Variants in EGFR observed in about 807,000 individuals in gnomAD.
EGFR encodes the protein avian erythroblastic leukemia viral (v-erb-b) oncogene homolog.
Under a neutral mutation model 143.0 loss-of-function variants are expected in EGFR, and 58 were observed. The observed-to-expected ratio is 0.41, with a 90% CI of 0.33 to 0.50. The LOEUF (loss-of-function observed/expected upper bound fraction) is 0.50. Ranked by LOEUF, EGFR falls within the 20% of genes least tolerant of loss-of-function variation. EGFR has a pLI of 0.39. For synonymous variants in EGFR, 613 were observed against 594.4 expected (o/e 1.03, Z -0.45); for missense variants, 1,307 against 1,579.0 (o/e 0.83, Z 2.92).
intron 1 of EGFR, among the ~76,000 whole-genome samples, chr7:55,117,036 T>C (rs962807433): frequency 6.6e-6 from 1 of 152,216 alleles, no homozygotes; most frequent in African/African-American, 2.4e-5. Context: ...CAGAGGGTAC[T>C]GGTCGCTTTA....
chr7:55,110,400 C>A (rs530736548), intron 1 of EGFR, among the ~76,000 whole-genome samples: 53 of 152,296 alleles, frequency 3.5e-4, no homozygotes, highest in African/African-American at 1.2e-3. Context: ...TGCAGCCAAG[C>A]CTGCCCGGTC....
chr7:55,027,486 AAACCTGGAATGTCAAAGATAAAGTGC>A (rs1408466999), intron 1 of EGFR, among the ~76,000 whole-genome samples: 1 of 152,218 alleles, frequency 6.6e-6, no homozygotes, highest in Non-Finnish European at 1.5e-5. Flanking sequence ...GACCATGAGG[AAACCTGGAATGTCAAAGATAAAGTGC>A]AACACATTCT....
chr7:55,130,652 C>T (rs1283932371), intron 1 of EGFR, among the ~76,000 whole-genome samples: 1 of 152,222 alleles, frequency 6.6e-6, no homozygotes, highest in Non-Finnish European at 1.5e-5. Context: ...AAAACCCACA[C>T]ACACTCAGAG....
chr7:55,032,479 C>T (rs1339167674), intron 1 of EGFR, among the ~76,000 whole-genome samples: 1 of 152,174 alleles, frequency 6.6e-6, no homozygotes, highest in Non-Finnish European at 1.5e-5. Flanking sequence ...TTTTCCTGAG[C>T]CTTTGCATGT....
chr7:55,205,925 T>A lies in EGFR; in HGVS notation c.*308T>A, dbSNP rs1027661101. 28 of 444,470 alleles carry A rather than the reference T, an allele frequency of 6.3e-5. No homozygotes were observed. The highest frequency in any genetic ancestry group is 5.5e-4 in the African/African-American group (28 of 50,730). The allele number at this position is 444,470 out of a possible 1,614,324, so 27.5% of individuals were successfully genotyped here. The stretch of plus-strand genomic sequence containing the variant: ...AAAAAAAAAAAAGTATATGTGAGGA[T>A]TTTTATTGATTGGGGATCTTGGAGT... On this transcript the variant is annotated 3_prime_UTR_variant, in exon 28 of 28. Coordinates refer to ENST00000275493, the MANE Select transcript of EGFR (RefSeq NM_005228.5).
At chr7:55,155,206 C>CG (rs1785351526) in intron 7 of EGFR, among the ~76,000 whole-genome samples, 1 of 152,218 alleles carries the variant, frequency 6.6e-6, no homozygotes, top group African/African-American at 2.4e-5. Context: ...CTTTGGGAGA[C>CG]TGAAGGGGCT....
At chr7:55,156,055 A>G in intron 8 of EGFR, 109 bp downstream of exon 8, 3 of 802,596 alleles carry the variant, frequency 3.7e-6, no homozygotes, top group East Asian at 2.7e-5. Context: ...AAAAACAACT[A>G]TACATATCGT....
intron 15 of EGFR, among the ~76,000 whole-genome samples, chr7:55,168,160 A>G (rs1410624101): frequency 6.6e-6 from 1 of 152,268 alleles, no homozygotes; most frequent in Non-Finnish European, 1.5e-5. Context: ...GAAGCATGGT[A>G]TAAAAGATGC....
chr7:55,133,627 C>T (rs942484862), intron 1 of EGFR, among the ~76,000 whole-genome samples: 2 of 152,256 alleles, frequency 1.3e-5, no homozygotes, highest in Non-Finnish European at 2.9e-5. Flanking sequence ...CAATCTCCGT[C>T]ATCCCCACGT....
At chr7:55,140,592 G>A (rs1013336189) in intron 1 of EGFR, among the ~76,000 whole-genome samples, 2 of 152,194 alleles carry the variant, frequency 1.3e-5, no homozygotes, top group Non-Finnish European at 2.9e-5. Flanking sequence ...ATGTGTAGCC[G>A]ACAACCACAC....
chr7:55,124,525 C>A lies in EGFR; in HGVS notation c.89-17761C>A, dbSNP rs542091808. ...GGGCTTTATGCTAAGAGTTGTGGAT[C>A]TTAGGATTTTCATGAAATCTGCATT... On this transcript the variant is annotated intron_variant, in intron 1 of 27. Coordinates refer to ENST00000275493, the MANE Select transcript of EGFR (RefSeq NM_005228.5). Among the ~76,000 whole-genome samples the A allele has an allele frequency of 5.9e-5, 9 of 152,216 alleles. No individual in the cohort carries two copies. In the East Asian group the frequency reaches 1.5e-3, roughly 26 times the overall value.
chr7:55,171,308 G>A (rs1312967868), intron 16 of EGFR, 95 bp downstream of exon 16: 2 of 1,543,954 alleles, frequency 1.3e-6, no homozygotes, highest in African/African-American at 1.4e-5. Context: ...ACTGTCCTCT[G>A]TCCTGATCAA....
Position 55,146,514 on chromosome 7 carries a change from T to C in EGFR, c.425-92T>C, listed in dbSNP as rs2128929205. On this transcript the variant is annotated intron_variant, in intron 3 of 27. Coordinates refer to ENST00000275493, the MANE Select transcript of EGFR (RefSeq NM_005228.5). The stretch of plus-strand genomic sequence containing the variant: ...TCTTGTTCGCACCATGGCATCTCTT[T>C]AGCAGAACATAAATGCGAAGAGCAC... 7 of 1,588,372 alleles carry C rather than the reference T, an allele frequency of 4.4e-6. No individual in the cohort carries two copies. The Admixed American group carries it at 8.5e-5, about 19-fold the overall frequency.
At chr7:55,125,772 C>T (rs996706345) in intron 1 of EGFR, among the ~76,000 whole-genome samples, 1 of 152,230 alleles carries the variant, frequency 6.6e-6, no homozygotes, top group Non-Finnish European at 1.5e-5. Context: ...TTGCACTGTG[C>T]TGTCACAGAC....
At chr7:55,155,718 C>T (rs1785375535) in intron 7 of EGFR, 112 bp from the exon 8 acceptor site, 6 of 830,920 alleles carry the variant, frequency 7.2e-6, no homozygotes, top group Non-Finnish European at 1.1e-5. Flanking sequence ...TAAATAAAGC[C>T]AAAGGAGGAT....
At chr7:55,186,887 G>T (rs555823326) in intron 20 of EGFR, among the ~76,000 whole-genome samples, 3 of 152,224 alleles carry the variant, frequency 2.0e-5, no homozygotes, top group African/African-American at 4.8e-5. Context: ...AGTTTGAATG[G>T]AATGGGTCTG....
chr7:55,124,101 T>G (rs1283772310), intron 1 of EGFR, among the ~76,000 whole-genome samples: 5 of 152,182 alleles, frequency 3.3e-5, no homozygotes, highest in Admixed American at 2.0e-4. Context: ...AATAGGGAAA[T>G]TAACAAGAAA....
chr7:55,055,682 TGCA>T (rs1467305412), intron 1 of EGFR, among the ~76,000 whole-genome samples: 1 of 149,952 alleles, frequency 6.7e-6, no homozygotes, highest in Non-Finnish European at 1.5e-5. Flanking sequence ...CCTCTTTCCC[TGCA>T]GCCGTCTCCC....
intron 19 of EGFR, 113 bp from the exon 20 acceptor site, chr7:55,181,180 C>T (rs1786847287): frequency 4.7e-6 from 6 of 1,264,262 alleles, no homozygotes; most frequent in South Asian, 1.2e-5. Flanking sequence ...TCCATGAGTA[C>T]GTATTTTGAA....
Sources: gnomAD v4.1 joint callset for allele counts (sites outside exome capture counted in the v4.1 genomes callset) on GRCh38, gnomAD v4.1.1 for gene constraint, MANE v1.5 for transcripts, NCBI Gene and HGNC (gene_info 2026-07-23, HGNC 2026-07-21) for gene names.